Variants in ADAM12 observed in about 807,000 individuals in gnomAD.
ADAM12 encodes the protein disintegrin and metalloproteinase domain-containing protein 12.
In ADAM12, 70 loss-of-function variants were observed where a neutral mutation model predicts 106.4. That is an observed-to-expected ratio of 0.66 (90% CI 0.54 to 0.80). ADAM12 has a LOEUF of 0.80. Among genes scored for constraint, ADAM12 ranks in the 30% least tolerant of loss-of-function variants. The pLI is 0.00. For missense variants in ADAM12, 1,010 were observed against 1,171.9 expected (o/e 0.86, Z 2.02); for synonymous variants, 420 against 433.5 (o/e 0.97, Z 0.39).
rs767119071 is a variant in ADAM12 at position 126,108,634 on chromosome 10, C to T, written c.700G>A (p.Val234Ile). 1.1e-5 allele frequency: 17 copies of T among 1,614,034 alleles called. No homozygotes were observed. Among genetic ancestry groups the T allele is most frequent in the Non-Finnish European group, 1.4e-5 (16 of 1,179,978 alleles). ...GCAATCTCTATTAATCGCTGCTTAA[C>T]TTTTTCCAGATCTTTTCCTTGCCTC... ...FQRQGKDLEKVKQRLIEIANH... is the reference protein window; with the variant it reads ...FQRQGKDLEKIKQRLIEIANH... Residue 234 changes from valine to isoleucine, a missense_variant, in exon 8 of 23, where the codon GTT becomes ATT. Val to Ile is a conservative substitution (Grantham distance 29). Transcript: ENST00000448723.
chr10:126,057,520 CAAATGA>C (rs1028301332), intron 14 of ADAM12, among the ~76,000 whole-genome samples: 3 of 152,132 alleles, frequency 2.0e-5, no homozygotes, highest in Non-Finnish European at 4.4e-5. Context: ...TAAGGGGTTT[CAAATGA>C]ACCAAACTTC....
intron 21 of ADAM12, among the ~76,000 whole-genome samples, chr10:126,031,199 A>C (rs1953965565): frequency 6.6e-6 from 1 of 152,216 alleles, no homozygotes; most frequent in Admixed American, 6.5e-5. Context: ...GTAGCAACAG[A>C]AGCTCTCATA....
intron 6 of ADAM12, among the ~76,000 whole-genome samples, chr10:126,117,304 A>G (rs1956002467): frequency 6.6e-6 from 1 of 152,190 alleles, no homozygotes; most frequent in African/African-American, 2.4e-5. Context: ...CGTGTCAGGA[A>G]GGGAAGTCTG....
Position 126,049,293 on chromosome 10 carries a change from G to A in ADAM12, c.1877C>T (p.Pro626Leu). 1.2e-6 allele frequency: 2 copies of A among 1,614,230 alleles called. No individual in the cohort carries two copies. Among genetic ancestry groups the A allele is most frequent in the Non-Finnish European group, 8.5e-7 (1 of 1,180,036 alleles). Residue 626 changes from proline to leucine, a missense_variant, in exon 16 of 23, where the codon CCA becomes CTA. By Grantham distance (98) the Pro-to-Leu change is moderately conservative (BLOSUM62 -3). This residue lies in a region of ADAM12 where 615 missense variants were observed against 708.5 expected (regional missense o/e 0.87). Coordinates refer to ENST00000448723, the MANE Select transcript of ADAM12 (RefSeq NM_001288973.2). This position sits in a 1 kb window ranked among gnomAD's most constrained non-coding sequence, Gnocchi z 4.4. ...CTTTGTGCCTGCAAGCACAAGCCCTGGGTCCGGCATGTCATCGCCCAAGTA... is the reference window on the plus strand; with the variant it reads ...CTTTGTGCCTGCAAGCACAAGCCCTAGGTCCGGCATGTCATCGCCCAAGTA... ...HVYLGDDMPD[P>L]GLVLAGTKCA...
intron 2 of ADAM12, among the ~76,000 whole-genome samples, chr10:126,310,510 G>A (rs1459693885): frequency 3.9e-5 from 6 of 152,190 alleles, no homozygotes; most frequent in African/African-American, 1.4e-4. Context: ...GCAAGTGGTA[G>A]GGTAGAACCA....
chr10:126,136,799 G>A (rs1012420837), intron 4 of ADAM12, among the ~76,000 whole-genome samples: 18 of 152,194 alleles, frequency 1.2e-4, no homozygotes, highest in Admixed American at 6.5e-5. Flanking sequence ...GGGTGATAGG[G>A]TTAAGGGGTT....
intron 1 of ADAM12, among the ~76,000 whole-genome samples, chr10:126,340,720 G>GTTTT (rs34179311): frequency 2.2e-5 from 3 of 138,844 alleles, no homozygotes; most frequent in East Asian, 4.2e-4. Flanking sequence ...CTCGTGGCCT[G>GTTTT]TTTTTTTTTT....
At chr10:126,088,936 A>C (rs1284105383) in intron 11 of ADAM12, among the ~76,000 whole-genome samples, 2 of 150,508 alleles carry the variant, frequency 1.3e-5, no homozygotes, top group African/African-American at 4.9e-5. Context: ...AGATTGCAGA[A>C]GGTCTGACCT....
intron 11 of ADAM12, among the ~76,000 whole-genome samples, chr10:126,077,694 T>C (rs913286113): frequency 2.6e-5 from 4 of 152,210 alleles, no homozygotes; most frequent in African/African-American, 9.6e-5. Context: ...TGGCTAACCA[T>C]ATGCAGAAGA....
intron 2 of ADAM12, among the ~76,000 whole-genome samples, chr10:126,327,121 G>A (rs1173360503): frequency 3.9e-5 from 6 of 152,170 alleles, no homozygotes; most frequent in Admixed American, 3.9e-4. Context: ...AGAATGGAGG[G>A]ACAGTCAGAG....
intron 1 of ADAM12, among the ~76,000 whole-genome samples, chr10:126,371,685 G>A (rs147277620): frequency 2.0e-5 from 3 of 152,218 alleles, no homozygotes; most frequent in African/African-American, 7.2e-5. Context: ...AAGAGCTTAT[G>A]TGTCTGCTTC....
At chr10:126,099,933 T>C (rs536528685) in intron 9 of ADAM12, among the ~76,000 whole-genome samples, 6 of 152,178 alleles carry the variant, frequency 3.9e-5, no homozygotes, top group Admixed American at 2.0e-4. Context: ...AAATAAAAAT[T>C]TGTCACTTCT....
intron 2 of ADAM12, among the ~76,000 whole-genome samples, chr10:126,327,904 C>T (rs1415167106): frequency 3.3e-5 from 5 of 152,182 alleles, no homozygotes; most frequent in Admixed American, 2.6e-4. Flanking sequence ...ATCTTGGCCC[C>T]TGTTGCTCCC....
intron 1 of ADAM12, among the ~76,000 whole-genome samples, chr10:126,332,359 G>C (rs10901594): frequency 0.22 from 33,803 of 152,054 alleles, 4,066 homozygotes; most frequent in African/African-American, 0.31. Flanking sequence ...GTGCATTTCA[G>C]AGAGGGACGT....
At chr10:126,051,488 CCCGTCCATCCACCCGT>C (rs1954484729) in intron 14 of ADAM12, among the ~76,000 whole-genome samples, 9 of 121,470 alleles carry the variant, frequency 7.4e-5, no homozygotes, top group African/African-American at 1.3e-4. Flanking sequence ...CAGCCAGCCA[CCCGTCCATCCACCCGT>C]CCATCCATCC....
intron 3 of ADAM12, among the ~76,000 whole-genome samples, chr10:126,276,426 CA>C (rs1959248269): frequency 6.6e-6 from 1 of 152,204 alleles, no homozygotes; most frequent in African/African-American, 2.4e-5. Flanking sequence ...AACAGCATTA[CA>C]TGCTAGTAGT....
In ADAM12 at chr10:126,330,499, T is replaced by C. The variant is rs2133851144; in HGVS notation, c.99A>G (p.Leu33=). 1 of 1,613,736 alleles carries C rather than the reference T, an allele frequency of 6.2e-7. No individual in the cohort carries two copies. Among genetic ancestry groups the C allele is most frequent in the Non-Finnish European group, 8.5e-7 (1 of 1,179,908 alleles). ...CTTCATCAGCTCTTCCTTGGTTCCA[T>C]AAGCTCACCCCTGAATCAAAAGGAA... ...LAPCEARGVS[L]WNQGRADEVV... is the part of the protein sequence containing the mutation. The change falls in exon 2 of 23, where the codon TTA becomes TTG. Residue 33 remains leucine (L), a synonymous_variant. Coordinates refer to ENST00000448723, the MANE Select transcript of ADAM12 (RefSeq NM_001288973.2).
intron 9 of ADAM12, among the ~76,000 whole-genome samples, chr10:126,099,385 CCTCT>C (rs1243842254): frequency 6.6e-6 from 1 of 151,274 alleles, no homozygotes; most frequent in Non-Finnish European, 1.5e-5. Context: ...TCTCTCCCTC[CCTCT>C]CTCCCTCCCT....
chr10:126,080,940 T>C (rs1384373455), intron 11 of ADAM12, among the ~76,000 whole-genome samples: 1 of 152,234 alleles, frequency 6.6e-6, no homozygotes, highest in East Asian at 1.9e-4. Flanking sequence ...TGCTATATTC[T>C]TGGGGGTGAA....
Sources: gnomAD v4.1 joint callset for allele counts (sites outside exome capture counted in the v4.1 genomes callset) on GRCh38, gnomAD v4.1.1 for gene constraint, gnomAD v4.1.1 regional missense constraint, Gnocchi (gnomAD v3.1) non-coding constraint, MANE v1.5 for transcripts, NCBI Gene and HGNC (gene_info 2026-07-23, HGNC 2026-07-21) for gene names.